STXBP4: variants seen among roughly 807,000 people sequenced by gnomAD.
The protein encoded by STXBP4 is syntaxin binding protein 4.
Under a neutral mutation model 76.1 loss-of-function variants are expected in STXBP4, and 55 were observed. The observed-to-expected ratio is 0.72, with a 90% CI of 0.58 to 0.91. The LOEUF (loss-of-function observed/expected upper bound fraction) is 0.91. Among genes scored for constraint, STXBP4 ranks in the 40% least tolerant of loss-of-function variants. STXBP4 has a pLI of 0.00. For synonymous variants in STXBP4, 201 were observed against 220.2 expected (o/e 0.91, Z 0.77); for missense variants, 618 against 636.9 (o/e 0.97, Z 0.32).
chr17:55,051,014 G>C (rs983738840), intron 12 of STXBP4, among the ~76,000 whole-genome samples: 14 of 151,950 alleles, frequency 9.2e-5, no homozygotes, highest in African/African-American at 3.1e-4. Context: ...TATCTTTTAT[G>C]AACAAGGAAA....
At chr17:55,129,585 A>AAAGG (rs2079952548) in intron 16 of STXBP4, among the ~76,000 whole-genome samples, 1 of 151,668 alleles carries the variant, frequency 6.6e-6, no homozygotes, top group African/African-American at 2.4e-5. Flanking sequence ...AGAAAGAAAG[A>AAAGG]AAAGAAAAGA....
chr17:55,000,506 A>G (rs1347320569), intron 6 of STXBP4, among the ~76,000 whole-genome samples: 1 of 152,222 alleles, frequency 6.6e-6, no homozygotes, highest in Non-Finnish European at 1.5e-5. Flanking sequence ...CATGCTGAAC[A>G]GAGACAGAGT....
downstream of STXBP4, among the ~76,000 whole-genome samples, chr17:55,175,196 TC>T (rs1174766346): frequency 1.3e-5 from 2 of 152,168 alleles, no homozygotes; most frequent in Non-Finnish European, 2.9e-5. Flanking sequence ...GCAGAGTAGT[TC>T]CTAAGCATGG....
the STXBP4 span, among the ~76,000 whole-genome samples, chr17:55,204,316 AT>A: frequency 4.6e-5 from 7 of 151,440 alleles, no homozygotes; most frequent in African/African-American, 1.5e-4. Flanking sequence ...TAAATTCTCC[AT>A]TTTGTCATCC....
At position 54,979,960 on chromosome 17, in the gene STXBP4, T is replaced by C. The variant is rs576556608; in HGVS notation, c.-156-5654T>C. Among the ~76,000 whole-genome samples, 4 of 152,370 alleles carry C rather than the reference T, an allele frequency of 2.6e-5. No individual in the cohort carries two copies. In the South Asian group the frequency reaches 8.3e-4, roughly 32 times the overall value. On this transcript the variant is annotated intron_variant, in intron 1 of 17. Transcript: ENST00000376352. ...TTACAAAGCCTTTATAGGTCTATTC[T>C]AGATGTATTATTTTAGACTTTGCAA...
At chr17:55,198,240 C>T in the STXBP4 span, among the ~76,000 whole-genome samples, 1 of 152,206 alleles carries the variant, frequency 6.6e-6, no homozygotes, top group Admixed American at 6.5e-5. Context: ...TTCCATCTGC[C>T]ACACAGAAAT....
chr17:55,000,806 A>G lies in STXBP4; in HGVS notation c.499-2A>G. On this transcript the variant is annotated splice_acceptor_variant, in intron 6 of 17. Coordinates refer to ENST00000376352, the MANE Select transcript of STXBP4 (RefSeq NM_178509.6). LOFTEE classifies it high-confidence loss of function. Reference sequence around the variant, plus strand: ...TTGCATGTTCCTCATTTTCTTTCACAGATAAAAACTGGATACAACAAAACA... The same window carrying G: ...TTGCATGTTCCTCATTTTCTTTCACGGATAAAAACTGGATACAACAAAACA... The G allele has an allele frequency of 6.2e-7, 1 of 1,602,370 alleles. No individual in the cohort carries two copies. Among genetic ancestry groups the G allele is most frequent in the South Asian group, 1.1e-5 (1 of 90,572 alleles).
intron 12 of STXBP4, 86 bp from the exon 13 acceptor site, chr17:55,072,814 C>G (rs1263749483): frequency 8.5e-7 from 1 of 1,172,414 alleles, no homozygotes; most frequent in East Asian, 2.7e-5. Flanking sequence ...GGAATTATAA[C>G]TTCCAGAGCA....
At chr17:55,208,606 G>GAAGGAAGGAAGGAAGGAAGGAAGT in the STXBP4 span, among the ~76,000 whole-genome samples, 1 of 142,134 alleles carries the variant, frequency 7.0e-6, no homozygotes, top group Non-Finnish European at 1.5e-5. Context: ...AGGAAGGAAG[G>GAAGGAAGGAAGGAAGGAAGGAAGT]AAAGAGAGAG....
intron 16 of STXBP4, among the ~76,000 whole-genome samples, chr17:55,139,896 A>G (rs949720105): frequency 6.6e-6 from 1 of 152,178 alleles, no homozygotes; most frequent in African/African-American, 2.4e-5. Context: ...AATAAACACA[A>G]TGCAAATTGT....
chr17:54,974,614 AG>A (rs1473249835), intron 1 of STXBP4, among the ~76,000 whole-genome samples: 3 of 152,240 alleles, frequency 2.0e-5, no homozygotes, highest in African/African-American at 7.2e-5. Flanking sequence ...TACTCTTAAA[AG>A]GGCCCCTCAC....
the STXBP4 span, among the ~76,000 whole-genome samples, chr17:55,182,963 A>T: frequency 6.6e-6 from 1 of 152,202 alleles, no homozygotes; most frequent in Admixed American, 6.5e-5. Flanking sequence ...ACTCCAAATG[A>T]AGCTTAAAGA....
chr17:55,095,482 T>G (rs967489269), intron 16 of STXBP4, among the ~76,000 whole-genome samples: 10 of 152,168 alleles, frequency 6.6e-5, no homozygotes, highest in South Asian at 2.1e-4. Context: ...GACAAAGTAT[T>G]AACAGCTCAT....
chr17:55,138,149 T>C (rs1011756638), intron 16 of STXBP4, among the ~76,000 whole-genome samples: 7 of 152,144 alleles, frequency 4.6e-5, no homozygotes, highest in Non-Finnish European at 7.4e-5. Flanking sequence ...CATATTTTTT[T>C]TGTAGAACTT....
chr17:55,078,085 T>C lies in STXBP4; in HGVS notation c.1196T>C (p.Val399Ala). The stretch of plus-strand genomic sequence containing the variant: ...TTTGATATCTCTGTGCAGGAAAGTG[T>C]TCAGGATTTAAAAAAGAGAATCATG... ...ADYSDQNKESVQDLKKRIMVL... is the reference protein window; with the variant it reads ...ADYSDQNKESAQDLKKRIMVL... Residue 399 changes from valine (V) to alanine (A), a missense_variant, in exon 14 of 18, where the codon GTT (valine) becomes GCT (alanine). By Grantham distance (64) the Val-to-Ala change is moderately conservative (BLOSUM62 0). Coordinates refer to ENST00000376352, the MANE Select transcript of STXBP4 (RefSeq NM_178509.6). The C allele has an allele frequency of 6.2e-7, 1 of 1,605,924 alleles. No homozygotes were observed. The highest frequency in any genetic ancestry group is 1.1e-5 in the South Asian group (1 of 89,858).
At chr17:55,147,040 C>T (rs1464023918) in intron 17 of STXBP4, among the ~76,000 whole-genome samples, 1 of 152,170 alleles carries the variant, frequency 6.6e-6, no homozygotes, top group East Asian at 1.9e-4. Context: ...CATTGGGAAC[C>T]ATCTTAGAGC....
At chr17:55,145,597 C>T (rs1167752323) in intron 17 of STXBP4, among the ~76,000 whole-genome samples, 4 of 152,212 alleles carry the variant, frequency 2.6e-5, no homozygotes, top group Non-Finnish European at 5.9e-5. Context: ...TATATTAATA[C>T]TTTGTCATCT....
intron 3 of STXBP4, among the ~76,000 whole-genome samples, chr17:54,986,488 G>T (rs1016669902): frequency 2.0e-5 from 3 of 152,050 alleles, no homozygotes; most frequent in Non-Finnish European, 2.9e-5. Context: ...GCACGGTAGG[G>T]CATGCCTGTA....
At chr17:55,115,834 G>C (rs907418887) in intron 16 of STXBP4, among the ~76,000 whole-genome samples, 2 of 151,830 alleles carry the variant, frequency 1.3e-5, no homozygotes, top group African/African-American at 2.4e-5. Flanking sequence ...TCATCCTCCA[G>C]CATCTAGGGT....
Sources: allele counts gnomAD v4.1 joint callset (sites outside exome capture counted in the v4.1 genomes callset), GRCh38; gene constraint gnomAD v4.1.1; transcripts MANE v1.5; gene names NCBI Gene and HGNC (gene_info 2026-07-23, HGNC 2026-07-21).